Variants in UST observed in about 807,000 individuals in gnomAD.
UST encodes the protein chondroitin sulfate 2-O-sulfotransferase.
In UST, 21 loss-of-function variants were observed where a neutral mutation model predicts 45.6. The ratio of observed to expected loss-of-function variants is 0.46; its 90% CI spans 0.33 to 0.66. UST has a LOEUF of 0.66. Among genes scored for constraint, UST ranks in the 30% least tolerant of loss-of-function variants. UST has a pLI of 0.02. For synonymous variants in UST, 215 were observed against 200.6 expected (o/e 1.07, Z -0.61); for missense variants, 463 against 512.4 (o/e 0.90, Z 0.93).
intron 1 of UST, among the ~76,000 whole-genome samples, chr6:148,762,398 C>T (rs1315059380): frequency 2.6e-5 from 4 of 152,114 alleles, no homozygotes; most frequent in African/African-American, 9.7e-5. Flanking sequence ...GAAATGTATG[C>T]AGTTACCATG....
intron 1 of UST, among the ~76,000 whole-genome samples, chr6:148,855,814 G>A (rs1011144337): frequency 6.6e-6 from 1 of 152,112 alleles, no homozygotes; most frequent in Non-Finnish European, 1.5e-5. Flanking sequence ...AGTTGGCCAC[G>A]GGTACCACTG....
chr6:149,039,302 C>T (rs1435183119), intron 7 of UST, among the ~76,000 whole-genome samples: 7 of 152,186 alleles, frequency 4.6e-5, no homozygotes, highest in African/African-American at 1.4e-4. Context: ...TCTTGACTCA[C>T]CGCAACCTTC....
chr6:148,753,449 T>C (rs1776028655), intron 1 of UST, among the ~76,000 whole-genome samples: 1 of 152,264 alleles, frequency 6.6e-6, no homozygotes, highest in Non-Finnish European at 1.5e-5. Context: ...ATTCATGTTA[T>C]AGCATGTGTC....
At chr6:148,794,396 T>C (rs1393148713) in intron 1 of UST, among the ~76,000 whole-genome samples, 1 of 152,258 alleles carries the variant, frequency 6.6e-6, no homozygotes, top group Non-Finnish European at 1.5e-5. Flanking sequence ...CATACTTTTT[T>C]ATTCCACTGA....
At chr6:148,960,434 TCTGGCCTATGGTA>T (rs1489632760) in intron 4 of UST, among the ~76,000 whole-genome samples, 25 of 152,332 alleles carry the variant, frequency 1.6e-4, no homozygotes, top group Middle Eastern at 3.4e-3. Context: ...GCCCTGGGCC[TCTGGCCTATGGTA>T]CTTTTCACCC....
chr6:148,919,433 T>TGC lies in UST; in HGVS notation c.292-21845_292-21844insCG, dbSNP rs1314311922. ...TGTCAGAGCCGTGTGTGTGTGTGTG[T>TGC]GTGTGTGTGTGTACACTTCTGTTGG... is the stretch of plus-strand genomic sequence containing the variant. On this transcript the variant is annotated intron_variant, in intron 2 of 7. Transcript: ENST00000367463. Among the ~76,000 whole-genome samples the TGC allele has an allele frequency of 3.5e-3, 538 of 152,118 alleles. 6 individuals are homozygous for TGC. Among genetic ancestry groups the TGC allele is most frequent in the African/African-American group, 0.012 (515 of 41,444 alleles).
chr6:149,055,801 A>G (rs974686648), intron 7 of UST, among the ~76,000 whole-genome samples: 6 of 152,202 alleles, frequency 3.9e-5, no homozygotes, highest in Non-Finnish European at 7.3e-5. Flanking sequence ...GTGCTGCATC[A>G]AAAGTCTAAC....
At chr6:148,770,172 C>T (rs1008864182) in intron 1 of UST, among the ~76,000 whole-genome samples, 10 of 151,818 alleles carry the variant, frequency 6.6e-5, no homozygotes, top group African/African-American at 2.4e-4. Flanking sequence ...TGTATAAATT[C>T]ATCATCTTCG....
intron 7 of UST, among the ~76,000 whole-genome samples, chr6:149,052,639 G>A (rs536738199): frequency 1.3e-5 from 2 of 152,186 alleles, no homozygotes; most frequent in South Asian, 4.2e-4. Context: ...TCTAAAACAT[G>A]ATTATCTGAG....
At chr6:148,902,814 C>G (rs1187262479) in intron 2 of UST, among the ~76,000 whole-genome samples, 2 of 152,060 alleles carry the variant, frequency 1.3e-5, no homozygotes, top group Middle Eastern at 3.2e-3. Flanking sequence ...GCTCTACTGT[C>G]TAGAAGAGTT....
chr6:148,864,839 G>A (rs950918143), intron 1 of UST, among the ~76,000 whole-genome samples: 8 of 152,162 alleles, frequency 5.3e-5, no homozygotes, highest in African/African-American at 1.9e-4. Flanking sequence ...ATGGTTTTCT[G>A]GTTTCCCTTG....
chr6:149,031,963 C>T (rs534954535), intron 7 of UST, among the ~76,000 whole-genome samples: 1 of 152,304 alleles, frequency 6.6e-6, no homozygotes, highest in South Asian at 2.1e-4. Context: ...TGATTGGAAG[C>T]GTGGAGGTGA....
At chr6:148,753,995 ATT>A (rs1276566371) in intron 1 of UST, among the ~76,000 whole-genome samples, 10 of 137,756 alleles carry the variant, frequency 7.3e-5, no homozygotes, top group Non-Finnish European at 6.3e-5. Context: ...CATTTTGCTG[ATT>A]TTTTTTTTTT....
chr6:149,041,369 C>A (rs769858203), intron 7 of UST, among the ~76,000 whole-genome samples: 1 of 152,202 alleles, frequency 6.6e-6, no homozygotes, highest in South Asian at 2.1e-4. Context: ...TGCAGGAGAG[C>A]AGAGGGCAAA....
chr6:148,763,370 G>A (rs187400959), intron 1 of UST, among the ~76,000 whole-genome samples: 57 of 152,090 alleles, frequency 3.7e-4, no homozygotes, highest in Middle Eastern at 3.4e-3. Context: ...CTTTTTTCTT[G>A]TTGAGTTATT....
chr6:148,970,431 G>A (rs192821300), intron 5 of UST, among the ~76,000 whole-genome samples: 19 of 152,256 alleles, frequency 1.2e-4, no homozygotes, highest in African/African-American at 3.6e-4. Context: ...CCAGGATGGC[G>A]ATCCCAGAGA....
chr6:148,873,959 G>C (rs1161881877), intron 1 of UST, among the ~76,000 whole-genome samples: 1 of 152,264 alleles, frequency 6.6e-6, no homozygotes, highest in Non-Finnish European at 1.5e-5. Flanking sequence ...ATGATGGAAA[G>C]TGTCAATCGT....
At chr6:148,952,331 A>G (rs1339043649) in intron 3 of UST, among the ~76,000 whole-genome samples, 1 of 152,238 alleles carries the variant, frequency 6.6e-6, no homozygotes, top group Non-Finnish European at 1.5e-5. Flanking sequence ...ATAAAGAGGC[A>G]GGATTCAATT....
At chr6:149,039,774 G>A (rs976709211) in intron 7 of UST, among the ~76,000 whole-genome samples, 51 of 152,208 alleles carry the variant, frequency 3.4e-4, no homozygotes, top group Admixed American at 3.1e-3. Flanking sequence ...CTTAAGGGAG[G>A]GCTTGCTTGT....
Sources: gnomAD v4.1 joint callset for allele counts (sites outside exome capture counted in the v4.1 genomes callset) on GRCh38, gnomAD v4.1.1 for gene constraint, MANE v1.5 for transcripts, NCBI Gene and HGNC (gene_info 2026-07-23, HGNC 2026-07-21) for gene names.